IL13RA1: variants seen among roughly 807,000 people sequenced by gnomAD.
IL13RA1 encodes the protein interleukin 13 receptor subunit alpha 1.
A neutral mutation model predicts 33.8 loss-of-function variants in IL13RA1; 14 were observed. The ratio of observed to expected loss-of-function variants is 0.41; its 90% confidence interval spans 0.27 to 0.65. IL13RA1 has a LOEUF of 0.65. Ranked by LOEUF, IL13RA1 falls within the 30% of genes least tolerant of loss-of-function variation. The pLI is 0.28. For synonymous variants in IL13RA1, 116 were observed against 115.7 expected (o/e 1.00, Z -0.02); for missense variants, 313 against 327.0 (o/e 0.96, Z 0.33).
rs1325190671 is a variant in IL13RA1 at position 118,784,127 on chromosome X, A to ATG, written c.1191+7618_1191+7619dup. On this transcript the variant is annotated intron_variant, in intron 10 of 10. Transcript: ENST00000371666. ...TATATATACGTATATATGTATATAT[A>ATG]TGTATATATATATATATATACGTAT... Among the ~76,000 whole-genome samples, 47 of 24,828 alleles carry ATG rather than the reference A, an allele frequency of 1.9e-3. 1 individual carries two copies. Among genetic ancestry groups the ATG allele is most frequent in the Non-Finnish European group, 2.1e-3 (32 of 15,076 alleles). The allele number at this position is 24,828 out of a possible 115,157, so 21.6% of individuals were successfully genotyped here.
At chrX:118,740,057 C>A (rs751692511) in intron 1 of IL13RA1, among the ~76,000 whole-genome samples, 1 of 112,214 alleles carries the variant, frequency 8.9e-6, no homozygotes, top group African/African-American at 3.2e-5. Flanking sequence ...CTCAAACTCC[C>A]GGGCTCAAGT....
At chrX:118,777,195 T>C (rs1477154329) in intron 10 of IL13RA1, among the ~76,000 whole-genome samples, 1 of 110,209 alleles carries the variant, frequency 9.1e-6, no homozygotes, top group Non-Finnish European at 1.9e-5. Context: ...CTTGTCTCTA[T>C]GAATTAAATA....
At chrX:118,750,348 T>G (rs781381269) in intron 4 of IL13RA1, among the ~76,000 whole-genome samples, 6 of 110,164 alleles carry the variant, frequency 5.4e-5, no homozygotes, top group Non-Finnish European at 9.5e-5. Context: ...AGAATGTTAC[T>G]GAAATGGAAT....
chrX:118,757,030 T>G (rs776515105), intron 4 of IL13RA1, among the ~76,000 whole-genome samples: 2 of 111,339 alleles, frequency 1.8e-5, no homozygotes, highest in South Asian at 7.6e-4. Flanking sequence ...CCCCCTCTGC[T>G]GGAAGAGAGA....
At chrX:118,801,429 C>T in the IL13RA1 span, among the ~76,000 whole-genome samples, 1 of 112,353 alleles carries the variant, frequency 8.9e-6, no homozygotes, top group Non-Finnish European at 1.9e-5. Context: ...ACATTGCTTT[C>T]TATTATTTCT....
intron 3 of IL13RA1, among the ~76,000 whole-genome samples, chrX:118,749,325 A>C (rs1022028464): frequency 8.9e-6 from 1 of 112,658 alleles, no homozygotes; most frequent in African/African-American, 3.2e-5. Context: ...TTGTATATCC[A>C]CATTCATTTA....
intron 10 of IL13RA1, among the ~76,000 whole-genome samples, chrX:118,779,415 T>C (rs923640292): frequency 2.7e-5 from 3 of 111,985 alleles, no homozygotes; most frequent in Non-Finnish European, 5.6e-5. Context: ...TTTAATGTTA[T>C]AACAAAATAC....
intron 1 of IL13RA1, among the ~76,000 whole-genome samples, chrX:118,736,844 T>C (rs1306900187): frequency 1.8e-5 from 2 of 112,761 alleles, no homozygotes; most frequent in South Asian, 7.2e-4. Context: ...GGCTGATCTT[T>C]AACTGCTGGC....
At chrX:118,762,810 TC>T (rs2017603690) in intron 6 of IL13RA1, among the ~76,000 whole-genome samples, 1 of 112,168 alleles carries the variant, frequency 8.9e-6, no homozygotes, top group Non-Finnish European at 1.9e-5. Context: ...CTGTCTGAAA[TC>T]CTGAGATGCA....
chrX:118,800,376 T>C, the IL13RA1 span, among the ~76,000 whole-genome samples: 38 of 110,311 alleles, frequency 3.4e-4, no homozygotes, highest in African/African-American at 1.2e-3. Flanking sequence ...TGCGAAGACC[T>C]GCGGCTTCAC....
intron 7 of IL13RA1, 100 bp from the exon 8 acceptor site, chrX:118,766,744 A>G: frequency 1.6e-6 from 1 of 611,733 alleles, no homozygotes; most frequent in South Asian, 3.2e-5. Flanking sequence ...CCAAGTCTTA[A>G]TCATAGACAG....
intron 10 of IL13RA1, among the ~76,000 whole-genome samples, chrX:118,784,340 T>C (rs1453667629): frequency 1.9e-5 from 2 of 107,655 alleles, no homozygotes; most frequent in East Asian, 5.8e-4. Context: ...AATGGAGTAA[T>C]AGCAACCACA....
At chrX:118,741,304 A>G (rs2017341993) in intron 2 of IL13RA1, 148 bp downstream of exon 2, 1 of 438,629 alleles carries the variant, frequency 2.3e-6, no homozygotes. Context: ...TATAGAAGCA[A>G]CTATTGACAC....
chrX:118,772,050 G>C (rs751441048), intron 8 of IL13RA1, among the ~76,000 whole-genome samples: 1 of 112,424 alleles, frequency 8.9e-6, no homozygotes, highest in Non-Finnish European at 1.9e-5. Context: ...GGTTTGTGTC[G>C]ATTTATTTGA....
chrX:118,797,169 C>G (rs1292507428), downstream of IL13RA1, among the ~76,000 whole-genome samples: 1 of 112,147 alleles, frequency 8.9e-6, no homozygotes, highest in Non-Finnish European at 1.9e-5. Context: ...AACACTAGCT[C>G]TAGGCATCAG....
At chrX:118,736,395 C>A (rs1278572503) in intron 1 of IL13RA1, among the ~76,000 whole-genome samples, 1 of 110,460 alleles carries the variant, frequency 9.1e-6, no homozygotes, top group African/African-American at 3.3e-5. Flanking sequence ...AATCTGGTTT[C>A]TCTGGAAACC....
downstream of IL13RA1, among the ~76,000 whole-genome samples, chrX:118,795,227 A>AAAAAAAAAAAAAAAAAAAG (rs200347606): frequency 9.7e-4 from 92 of 94,965 alleles, 4 homozygotes; most frequent in African/African-American, 3.9e-3. Context: ...AAAAAAAAAA[A>AAAAAAAAAAAAAAAAAAAG]AAAGAAAAAG....
At chrX:118,759,290 A>G (rs1034470460) in intron 5 of IL13RA1, among the ~76,000 whole-genome samples, 4 of 112,506 alleles carry the variant, frequency 3.6e-5, no homozygotes, top group Admixed American at 9.4e-5. Context: ...AATGGAATAT[A>G]TAATCTCCCT....
chrX:118,797,541 C>A (rs924575977), downstream of IL13RA1, among the ~76,000 whole-genome samples: 85 of 112,093 alleles, frequency 7.6e-4, no homozygotes, highest in African/African-American at 2.7e-3. Context: ...TCCTCCTTAC[C>A]CCTGATTCCT....
Sources: gnomAD v4.1 joint callset for allele counts (sites outside exome capture counted in the v4.1 genomes callset) on GRCh38, gnomAD v4.1.1 for gene constraint, MANE v1.5 for transcripts, NCBI Gene and HGNC (gene_info 2026-07-23, HGNC 2026-07-21) for gene names.